SCAPER: variants seen among roughly 807,000 people sequenced by gnomAD.
SCAPER encodes S-phase cyclin A associated protein in the ER, also known as S phase cyclin A-associated protein in the endoplasmic reticulum.
In SCAPER, 98 loss-of-function variants were observed where a neutral mutation model predicts 182.2. The ratio of observed to expected loss-of-function variants is 0.54; its 90% CI spans 0.46 to 0.64. The LOEUF (loss-of-function observed/expected upper bound fraction) is 0.64, where lower values mean the gene tolerates loss of function less well. Ranked by LOEUF, SCAPER falls within the 30% of genes least tolerant of loss-of-function variation. The pLI, the probability that SCAPER is intolerant of heterozygous loss-of-function variation, is 0.00. For missense variants in SCAPER, 1,432 were observed against 1,690.0 expected (o/e 0.85, Z 2.68); for synonymous variants, 605 against 564.6 (o/e 1.07, Z -1.01).
Position 76,621,745 on chromosome 15 carries a change from TA to T in SCAPER, c.2711+18del, listed in dbSNP as rs781134598. On this transcript the variant is annotated intron_variant, in intron 22 of 31. Transcript: ENST00000563290. Reference sequence around the variant, plus strand: ...GGCATAGACTGAAGAAAAGGAGAACTAAAATGTGGAATACTCACTTTGCTTT... The same window carrying T: ...GGCATAGACTGAAGAAAAGGAGAACTAAATGTGGAATACTCACTTTGCTTT... The T allele has an allele frequency of 1.9e-6, 3 of 1,593,236 alleles. No homozygotes were observed. Among genetic ancestry groups the T allele is most frequent in the Admixed American group, 3.5e-5 (2 of 57,446 alleles).
chr15:76,360,338 G>T (rs776223752), intron 29 of SCAPER, among the ~76,000 whole-genome samples: 27 of 152,254 alleles, frequency 1.8e-4, no homozygotes, highest in Non-Finnish European at 3.5e-4. Flanking sequence ...GAAATGGGCA[G>T]ACAGGGATGA....
At chr15:76,757,067 T>C (rs1568030268) in intron 14 of SCAPER, among the ~76,000 whole-genome samples, 1 of 152,294 alleles carries the variant, frequency 6.6e-6, no homozygotes, top group East Asian at 1.9e-4. Context: ...AAAATAATGG[T>C]TTTCCTCTTC....
intron 20 of SCAPER, among the ~76,000 whole-genome samples, chr15:76,688,136 T>G (rs1013784897): frequency 3.9e-5 from 6 of 152,206 alleles, no homozygotes; most frequent in African/African-American, 1.4e-4. Flanking sequence ...CCATTCTAAC[T>G]GGCGTGAGAT....
chr15:76,363,172 G>C (rs574587284), intron 29 of SCAPER, among the ~76,000 whole-genome samples: 4 of 152,332 alleles, frequency 2.6e-5, no homozygotes, highest in African/African-American at 9.6e-5. Flanking sequence ...GCTCTGTAAG[G>C]ATAATGGTTA....
At chr15:76,709,133 TTTTA>T (rs773313939) in intron 17 of SCAPER, among the ~76,000 whole-genome samples, 107 of 152,184 alleles carry the variant, frequency 7.0e-4, no homozygotes, top group Admixed American at 1.8e-3. Context: ...AACAACTTTA[TTTTA>T]TTTATTTATT....
chr15:76,495,390 C>T (rs563621518), intron 24 of SCAPER, among the ~76,000 whole-genome samples: 1 of 151,914 alleles, frequency 6.6e-6, no homozygotes, highest in African/African-American at 2.4e-5. Flanking sequence ...CCAGCCTGGC[C>T]AACCTGGTGA....
intron 8 of SCAPER, among the ~76,000 whole-genome samples, chr15:76,792,657 T>A (rs2065074045): frequency 1.3e-5 from 2 of 152,232 alleles, no homozygotes; most frequent in Admixed American, 6.5e-5. Context: ...TATCACTGAA[T>A]AATGAGAGAC....
At chr15:76,604,386 C>T (rs11072605) in intron 22 of SCAPER, among the ~76,000 whole-genome samples, 27,738 of 118,910 alleles carry the variant, frequency 0.23, 9,981 homozygotes, top group East Asian at 0.65. Context: ...TGGTCTATAT[C>T]TCTGTTTCGG....
intron 21 of SCAPER, among the ~76,000 whole-genome samples, chr15:76,652,305 TATATAC>T (rs1205009687): frequency 5.1e-4 from 12 of 23,598 alleles, no homozygotes; most frequent in African/African-American, 9.3e-4. Flanking sequence ...TATATATATA[TATATAC>T]ACACACACAC....
intron 23 of SCAPER, among the ~76,000 whole-genome samples, chr15:76,534,904 G>A (rs2044002967): frequency 6.6e-6 from 1 of 151,780 alleles, no homozygotes; most frequent in Non-Finnish European, 1.5e-5. Flanking sequence ...TTATTCCTGG[G>A]CTAAGAGCTT....
intron 25 of SCAPER, among the ~76,000 whole-genome samples, chr15:76,445,663 G>A (rs1386464283): frequency 6.6e-6 from 1 of 152,120 alleles, no homozygotes; most frequent in Non-Finnish European, 1.5e-5. Context: ...ATGAGGGGAT[G>A]GGATAGGGCT....
intron 23 of SCAPER, among the ~76,000 whole-genome samples, chr15:76,573,389 C>T (rs1017943009): frequency 6.6e-6 from 1 of 151,610 alleles, no homozygotes; most frequent in African/African-American, 2.4e-5. Flanking sequence ...ACATTACAAC[C>T]TTTAAACCCA....
chr15:76,411,656 T>C (rs1280672565), intron 26 of SCAPER, among the ~76,000 whole-genome samples: 1 of 152,176 alleles, frequency 6.6e-6, no homozygotes, highest in Non-Finnish European at 1.5e-5. Flanking sequence ...AGTAGAATTG[T>C]TGAGTCATAG....
At position 76,733,317 on chromosome 15, in the gene SCAPER, A is replaced by G. The variant is rs1476241311; in HGVS notation, c.1934T>C (p.Leu645Ser). The stretch of plus-strand genomic sequence containing the variant: ...ATTAAGCCTCTGTTCATATTCCTTC[A>G]ATTTTGATAAAACATCATGACGTTT... The part of the protein sequence containing the change: ...QNKRHDVLSK[L>S]KEYEQRLNEL... The change falls in exon 16 of 32, where the codon TTG becomes TCG. Residue 645 changes from leucine to serine, a missense_variant. By Grantham distance (145) the Leu-to-Ser change is moderately radical. Coordinates refer to ENST00000563290, the MANE Select transcript of SCAPER (RefSeq NM_020843.4). 1.9e-6 allele frequency: 3 copies of G among 1,613,268 alleles called. No individual in the cohort carries two copies. The highest frequency in any genetic ancestry group is 2.2e-5 in the South Asian group (2 of 90,942).
chr15:76,463,103 T>A (rs1329127195), intron 25 of SCAPER, among the ~76,000 whole-genome samples: 1 of 152,140 alleles, frequency 6.6e-6, no homozygotes, highest in Non-Finnish European at 1.5e-5. Context: ...ACAGGAGACA[T>A]AAACAGAGTT....
intron 21 of SCAPER, among the ~76,000 whole-genome samples, chr15:76,632,350 C>T (rs933430072): frequency 1.3e-5 from 2 of 151,892 alleles, no homozygotes; most frequent in East Asian, 1.9e-4. Flanking sequence ...CCATCAAGCC[C>T]GGCTTTCTTT....
intron 25 of SCAPER, among the ~76,000 whole-genome samples, chr15:76,439,259 A>G (rs1390583817): frequency 6.6e-6 from 1 of 152,100 alleles, no homozygotes; most frequent in Non-Finnish European, 1.5e-5. Flanking sequence ...CTAATATTTT[A>G]GTAGAGATAG....
chr15:76,540,178 A>C (rs2044603286), intron 23 of SCAPER, among the ~76,000 whole-genome samples: 1 of 152,140 alleles, frequency 6.6e-6, no homozygotes, highest in Non-Finnish European at 1.5e-5. Flanking sequence ...AAGTGGGAGG[A>C]TTGCTTGAAG....
chr15:76,621,642 A>G, intron 22 of SCAPER, 122 bp downstream of exon 22: 1 of 820,152 alleles, frequency 1.2e-6, no homozygotes, highest in Non-Finnish European at 1.9e-6. Context: ...CTGTGTTAAG[A>G]GAATGCTGTT....
Sources: allele counts gnomAD v4.1 joint callset (sites outside exome capture counted in the v4.1 genomes callset), GRCh38; gene constraint gnomAD v4.1.1; transcripts MANE v1.5; gene names NCBI Gene and HGNC (gene_info 2026-07-23, HGNC 2026-07-21).